The following NAALADL2 variants were observed in gnomAD, a reference collection of about 807,000 sequenced individuals.
The protein encoded by NAALADL2 is inactive N-acetylated-alpha-linked acidic dipeptidase-like protein 2.
A neutral mutation model predicts 87.2 loss-of-function variants in NAALADL2; 76 were observed. That is an observed-to-expected ratio of 0.87 (90% CI 0.72 to 1.05). The LOEUF is 1.05. Among genes scored for constraint, NAALADL2 ranks in the 50% least tolerant of loss-of-function variants. The pLI, the probability that NAALADL2 is intolerant of heterozygous loss-of-function variation, is 0.00. For missense variants in NAALADL2, 1,089 were observed against 945.8 expected, an observed-to-expected ratio of 1.15 and a Z score of -1.99; for synonymous variants, 354 against 331.0, an observed-to-expected ratio of 1.07 and a Z score of -0.75.
intron 5 of NAALADL2, among the ~76,000 whole-genome samples, chr3:175,425,718 AAT>A (rs1263650425): frequency 6.6e-6 from 1 of 152,184 alleles, no homozygotes; most frequent in East Asian, 1.9e-4. Flanking sequence ...TGTAAAGAGT[AAT>A]AACATTTTCC....
intron 2 of NAALADL2, among the ~76,000 whole-genome samples, chr3:175,125,732 A>G (rs1215800148): frequency 6.6e-6 from 1 of 152,110 alleles, no homozygotes; most frequent in Non-Finnish European, 1.5e-5. Flanking sequence ...GAAGCCTACT[A>G]GACATCCAAG....
At chr3:174,922,703 G>A (rs1735418008) in intron 1 of NAALADL2, among the ~76,000 whole-genome samples, 1 of 152,016 alleles carries the variant, frequency 6.6e-6, no homozygotes, top group South Asian at 2.1e-4. Context: ...CAGTTATTTT[G>A]TAGAAAACCC....
chr3:174,723,166 A>C lies in NAALADL2; in HGVS notation c.-114-14475A>C, dbSNP rs367711509. On this transcript the variant is annotated intron_variant, in intron 2 of 3. Coordinates refer to the NAALADL2 transcript ENST00000434257. ...GGGAAATTGAATGGACATCATATTT[A>C]AAGTTTTGCCTCCTAAAAATTGCCT... 3.3e-5 allele frequency among the ~76,000 whole-genome samples: 5 copies of C among 152,202 alleles called. No homozygotes were observed. The East Asian group carries it at 9.6e-4, about 29-fold the overall frequency.
rs148523399 is a variant in NAALADL2, at chr3:174,662,323, C to T, written c.-114-75318C>T. Among the ~76,000 whole-genome samples the T allele has an allele frequency of 2.8e-3, 426 of 152,124 alleles. 2 individuals carry two copies. The highest frequency in any genetic ancestry group is 9.9e-3 in the African/African-American group (411 of 41,506). On this transcript the variant is annotated intron_variant, in intron 2 of 3. Transcript: ENST00000434257. ...GCAGTATGAAATTTGCTTCTATATT[C>T]ATTACATAAAATTTATTAAGGATAT... is the stretch of plus-strand genomic sequence containing the variant.
intron 1 of NAALADL2, among the ~76,000 whole-genome samples, chr3:175,011,749 A>G (rs1411941824): frequency 6.6e-6 from 1 of 152,198 alleles, no homozygotes; most frequent in African/African-American, 2.4e-5. Context: ...ATGTGCCAAG[A>G]GACCCAAATC....
intron 4 of NAALADL2, among the ~76,000 whole-genome samples, chr3:175,300,322 T>C (rs1756895495): frequency 6.6e-6 from 1 of 152,164 alleles, no homozygotes. Context: ...TTAGGGAGGA[T>C]TCCCTCTTTT....
chr3:175,578,533 T>G (rs1053190980), intron 10 of NAALADL2, among the ~76,000 whole-genome samples: 4 of 152,210 alleles, frequency 2.6e-5, no homozygotes, highest in Admixed American at 1.3e-4. Flanking sequence ...ATACCCCTTA[T>G]ATCATTTATT....
chr3:174,956,799 A>T (rs547827240), intron 1 of NAALADL2, among the ~76,000 whole-genome samples: 14 of 152,020 alleles, frequency 9.2e-5, no homozygotes, highest in Non-Finnish European at 1.9e-4. Context: ...GTGGGATGAG[A>T]GGAGCGTCAG....
chr3:175,647,868 G>T (rs141966101), intron 11 of NAALADL2, among the ~76,000 whole-genome samples: 2 of 152,246 alleles, frequency 1.3e-5, no homozygotes, highest in South Asian at 4.1e-4. Context: ...CATTTCTTGC[G>T]CTTGTTAGTT....
At chr3:174,490,086 C>CA (rs1718089225) in intron 1 of NAALADL2, among the ~76,000 whole-genome samples, 1 of 151,996 alleles carries the variant, frequency 6.6e-6, no homozygotes, top group African/African-American at 2.4e-5. Flanking sequence ...TATGTCCTCA[C>CA]AAAGTCTTGT....
intron 11 of NAALADL2, among the ~76,000 whole-genome samples, chr3:175,683,142 C>G (rs1055364359): frequency 6.6e-6 from 1 of 151,836 alleles, no homozygotes; most frequent in Non-Finnish European, 1.5e-5. Flanking sequence ...ATGACAATGT[C>G]TACATAGCCA....
chr3:174,463,887 C>T (rs934122241), intron 1 of NAALADL2, among the ~76,000 whole-genome samples: 1 of 152,000 alleles, frequency 6.6e-6, no homozygotes, highest in East Asian at 1.9e-4. Flanking sequence ...TGTGAGCCAC[C>T]GGGCCCGGCC....
At chr3:175,366,552 T>C (rs946712374) in intron 5 of NAALADL2, among the ~76,000 whole-genome samples, 16 of 151,976 alleles carry the variant, frequency 1.1e-4, no homozygotes, top group African/African-American at 3.6e-4. Flanking sequence ...GTTGTCATTC[T>C]AACTGGTGTG....
chr3:174,717,170 T>C (rs1427681101), intron 2 of NAALADL2, among the ~76,000 whole-genome samples: 1 of 152,162 alleles, frequency 6.6e-6, no homozygotes, highest in African/African-American at 2.4e-5. Flanking sequence ...TGAAGAGTTT[T>C]GTGGTAAGAA....
chr3:175,351,891 T>C lies in NAALADL2; in HGVS notation c.1090+27566T>C, dbSNP rs150658508. On this transcript the variant is annotated intron_variant, in intron 5 of 13. Transcript: ENST00000454872. ...ATCTGATCTTAAAGCAATTACATCA[T>C]AGAAATAAAGGAGACACTCCACTAA... is the stretch of plus-strand genomic sequence containing the variant. 1.9e-3 allele frequency among the ~76,000 whole-genome samples: 294 copies of C among 152,132 alleles called. 1 individual carries two copies. The highest frequency in any genetic ancestry group is 3.4e-3 in the Non-Finnish European group (228 of 68,002).
chr3:175,569,381 G>A (rs886456115), intron 9 of NAALADL2, among the ~76,000 whole-genome samples: 1 of 152,036 alleles, frequency 6.6e-6, no homozygotes, highest in Non-Finnish European at 1.5e-5. Context: ...CAAACATAAA[G>A]GTGACCTACC....
At chr3:174,869,769 A>T (rs781298545) in intron 1 of NAALADL2, among the ~76,000 whole-genome samples, 4 of 151,990 alleles carry the variant, frequency 2.6e-5, no homozygotes, top group Non-Finnish European at 5.9e-5. Flanking sequence ...GCCAAGACGT[A>T]TGGGTCACCT....
chr3:175,391,709 G>T (rs1769097725), intron 5 of NAALADL2, among the ~76,000 whole-genome samples: 1 of 152,116 alleles, frequency 6.6e-6, no homozygotes, highest in African/African-American at 2.4e-5. Flanking sequence ...AAGCTGCTGA[G>T]TTTGCAAATG....
intron 2 of NAALADL2, among the ~76,000 whole-genome samples, chr3:174,709,505 C>A (rs944473680): frequency 1.9e-4 from 29 of 152,188 alleles, no homozygotes; most frequent in African/African-American, 6.5e-4. Context: ...TTCTGGGTTT[C>A]TAAAGTTAAT....
Sources: gnomAD v4.1 joint callset for allele counts (sites outside exome capture counted in the v4.1 genomes callset) on GRCh38, gnomAD v4.1.1 for gene constraint, MANE v1.5 for transcripts, NCBI Gene and HGNC (gene_info 2026-07-23, HGNC 2026-07-21) for gene names.